Variants in DNMT1 observed in about 807,000 individuals in gnomAD.
DNMT1 encodes DNA methyltransferase 1, also known as DNA (cytosine-5)-methyltransferase 1.
In DNMT1, 24 loss-of-function variants were observed where a neutral mutation model predicts 205.3. The observed-to-expected ratio is 0.12, with a 90% CI of 0.08 to 0.16. The LOEUF is 0.16. DNMT1 is among the 10% of genes least tolerant of loss of function. The probability of loss-of-function intolerance (pLI) is 1.00; values close to 1 mark genes in which losing one functional copy is unlikely to be tolerated. For synonymous variants in DNMT1, 817 were observed against 839.8 expected (o/e 0.97, Z 0.47); for missense variants, 1,293 against 2,177.7 (o/e 0.59, Z 8.09).
chr19:10,169,733 T>G (rs1041486831), intron 9 of DNMT1, among the ~76,000 whole-genome samples: 1 of 152,062 alleles, frequency 6.6e-6, no homozygotes, highest in African/African-American at 2.4e-5. Context: ...ACCACTGCAC[T>G]CCAGCCTGGG....
intron 29 of DNMT1, 25 bp downstream of exon 29, chr19:10,143,741 T>G (rs775192541): frequency 6.2e-7 from 1 of 1,611,760 alleles, no homozygotes; most frequent in Non-Finnish European, 8.5e-7. Flanking sequence ...TGTGGCCTCG[T>G]GGAAGAACAG....
rs749175215 is a variant in DNMT1, at chr19:10,166,699, C to T, written c.804-14G>A. ...TGTTTGGGTGTTCTGTCACAGAAGA[C>T]AACACACACACAGGCTGGTCAGCTC... On this transcript the variant is annotated splice_polypyrimidine_tract_variant and intron_variant, in intron 10 of 40. Coordinates refer to ENST00000359526, the MANE Select transcript of DNMT1 (RefSeq NM_001130823.3). The T allele has an allele frequency of 6.2e-7, 1 of 1,614,016 alleles. No individual in the cohort carries two copies. Among genetic ancestry groups the T allele is most frequent in the Admixed American group, 1.7e-5 (1 of 60,010 alleles).
At chr19:10,152,758 TCAACAACAACAACAA>T (rs372179811) in intron 22 of DNMT1, among the ~76,000 whole-genome samples, 2 of 150,636 alleles carry the variant, frequency 1.3e-5, no homozygotes, top group African/African-American at 2.4e-5. Flanking sequence ...GAGACCCATC[TCAACAACAACAACAA>T]CAACAACAAC....
At chr19:10,188,412 C>T (rs1428935539) in intron 1 of DNMT1, among the ~76,000 whole-genome samples, 3 of 151,974 alleles carry the variant, frequency 2.0e-5, no homozygotes, top group East Asian at 1.9e-4. Context: ...TGGTGGCTCA[C>T]GCCTGTAATC....
intron 8 of DNMT1, 101 bp downstream of exon 8, chr19:10,173,770 G>A (rs1599387938): frequency 7.7e-7 from 1 of 1,300,960 alleles, no homozygotes; most frequent in South Asian, 1.2e-5. Flanking sequence ...GAGATTACAG[G>A]CATGAGTCAC....
At chr19:10,173,548 G>A (rs1215826677) in intron 8 of DNMT1, among the ~76,000 whole-genome samples, 1 of 150,716 alleles carries the variant, frequency 6.6e-6, no homozygotes, top group Non-Finnish European at 1.5e-5. Context: ...CTGGAGTGCA[G>A]TGGAATGATC....
intron 1 of DNMT1, among the ~76,000 whole-genome samples, chr19:10,182,982 C>CGTATATATATACACGTATATGT (rs2039100723): frequency 6.8e-6 from 1 of 146,170 alleles, no homozygotes; most frequent in Non-Finnish European, 1.5e-5. Flanking sequence ...TATATATACA[C>CGTATATATATACACGTATATGT]GTATATATAT....
intron 1 of DNMT1, among the ~76,000 whole-genome samples, chr19:10,188,178 C>G (rs1329341447): frequency 6.6e-6 from 1 of 152,002 alleles, no homozygotes; most frequent in East Asian, 1.9e-4. Flanking sequence ...CTCTGTCAAA[C>G]CAGCTTCTTC....
intron 30 of DNMT1, chr19:10,141,534 G>A (rs2089600287): frequency 2.6e-6 from 1 of 377,720 alleles, no homozygotes. Flanking sequence ...TAACAACACG[G>A]AAAGGCCAAG....
intron 2 of DNMT1, among the ~76,000 whole-genome samples, chr19:10,181,681 T>C (rs2039049426): frequency 1.3e-5 from 2 of 151,802 alleles, no homozygotes; most frequent in Non-Finnish European, 2.9e-5. Flanking sequence ...ATATAAAAAT[T>C]AGCTGGGCAT....
chr19:10,162,541 A>G (rs2038590109), intron 13 of DNMT1, 126 bp downstream of exon 13: 1 of 993,484 alleles, frequency 1.0e-6, no homozygotes, highest in Non-Finnish European at 1.5e-6. Context: ...AAGTGCTGGG[A>G]TTACAGGCGT....
chr19:10,141,188 G>A lies in DNMT1; in HGVS notation c.3311C>T (p.Ala1104Val), dbSNP rs2089593597. The change falls in exon 31 of 41, where the codon GCC becomes GTC. Residue 1104 changes from alanine to valine, a missense_variant and splice_region_variant. By Grantham distance (64) the Ala-to-Val change is moderately conservative. This residue lies in a region of DNMT1 where 167 missense variants were observed against 258.1 expected (regional missense o/e 0.65). Coordinates refer to ENST00000359526, the MANE Select transcript of DNMT1 (RefSeq NM_001130823.3). ...GGPNRFYFLE[A>V]YNAKSKSFED... ...AAAGCTTTTGCTCTTTGCATTATAG[G>A]CCTGAAAAGGAGAGAACTGCAATCG... 1 of 1,613,918 alleles carries A rather than the reference G, an allele frequency of 6.2e-7. No individual in the cohort carries two copies. Among genetic ancestry groups the A allele is most frequent in the Non-Finnish European group, 8.5e-7 (1 of 1,179,996 alleles).
chr19:10,185,163 C>G (rs912925525), intron 1 of DNMT1, among the ~76,000 whole-genome samples: 2 of 152,108 alleles, frequency 1.3e-5, no homozygotes, highest in Non-Finnish European at 2.9e-5. Flanking sequence ...CGGTGGCTCA[C>G]GCCTGTAATC....
At chr19:10,172,857 A>C (rs1374051906) in intron 9 of DNMT1, among the ~76,000 whole-genome samples, 1 of 152,086 alleles carries the variant, frequency 6.6e-6, no homozygotes, top group Non-Finnish European at 1.5e-5. Flanking sequence ...AAAATATCAC[A>C]AATAAGTAGC....
chr19:10,188,810 A>G (rs983562059), intron 1 of DNMT1, among the ~76,000 whole-genome samples: 146 of 152,280 alleles, frequency 9.6e-4, no homozygotes, highest in African/African-American at 3.5e-3. Flanking sequence ...AGGTAGAGGA[A>G]GGGGGCATGA....
chr19:10,194,193 AC>A (rs1171767189), intron 1 of DNMT1, among the ~76,000 whole-genome samples: 4 of 152,166 alleles, frequency 2.6e-5, no homozygotes, highest in Admixed American at 2.6e-4. Flanking sequence ...CAAAACATGG[AC>A]TTTCCCAAGG....
Position 10,151,358 on chromosome 19 carries a change from G to A in DNMT1, c.2265+40C>T. 1.2e-6 allele frequency: 2 copies of A among 1,607,680 alleles called. No homozygotes were observed. The highest frequency in any genetic ancestry group is 4.5e-5 in the East Asian group (2 of 44,872). ...TACTAGAGGGCAACCTGCTTATTGG[G>A]AACATGGCAGTGAGCTGACCAAGGG... On this transcript the variant is annotated intron_variant, in intron 24 of 40. Coordinates refer to ENST00000359526, the MANE Select transcript of DNMT1 (RefSeq NM_001130823.3). This position sits in a 1 kb window ranked among gnomAD's most constrained non-coding sequence, Gnocchi z 5.0.
Position 10,140,481 on chromosome 19 carries a change from C to A in DNMT1, c.3524-153G>T. 8.5e-7 allele frequency: 1 copy of A among 1,171,628 alleles called. No homozygotes were observed. Among genetic ancestry groups the A allele is most frequent in the Non-Finnish European group, 1.2e-6 (1 of 826,984 alleles). 72.6% of individuals were successfully genotyped at this position (1,171,628 alleles called of 1,614,324 possible). A position where few individuals can be genotyped will look rare whatever the true frequency, so the allele number is the denominator to read the frequency against. On this transcript the variant is annotated intron_variant, in intron 32 of 40. Coordinates refer to ENST00000359526, the MANE Select transcript of DNMT1 (RefSeq NM_001130823.3). The surrounding 1 kb of genome is among the most constrained non-coding windows in gnomAD (Gnocchi z 8.4). ...GCCTCCCAGGTTCAAGCGATTCTCCCACCTCAGCCTCCTGAGTAGCTGGGA... is the reference window on the plus strand; with the variant it reads ...GCCTCCCAGGTTCAAGCGATTCTCCAACCTCAGCCTCCTGAGTAGCTGGGA...
chr19:10,150,411 G>A (rs771101921), intron 24 of DNMT1, among the ~76,000 whole-genome samples: 6 of 152,154 alleles, frequency 3.9e-5, no homozygotes, highest in African/African-American at 4.8e-5. Flanking sequence ...CCCCCAGGTC[G>A]TGTGGCTAGG....
Sources: allele counts gnomAD v4.1 joint callset (sites outside exome capture counted in the v4.1 genomes callset), GRCh38; gene constraint gnomAD v4.1.1; regional missense constraint gnomAD v4.1.1; non-coding constraint Gnocchi (gnomAD v3.1); transcripts MANE v1.5; gene names NCBI Gene and HGNC (gene_info 2026-07-23, HGNC 2026-07-21).